CHN2: variants seen among roughly 807,000 people sequenced by gnomAD.
CHN2 encodes beta-chimaerin.
In CHN2, 35 loss-of-function variants were observed where a neutral mutation model predicts 56.3. The ratio of observed to expected loss-of-function variants is 0.62; its 90% CI spans 0.47 to 0.82. The LOEUF (loss-of-function observed/expected upper bound fraction) is 0.82. CHN2 is among the 40% of genes least tolerant of loss of function. CHN2 has a pLI of 0.00. For missense variants in CHN2, 491 were observed against 580.5 expected (o/e 0.85, Z 1.58); for synonymous variants, 210 against 212.8 (o/e 0.99, Z 0.12).
At chr7:29,189,995 A>C (rs1782685846), upstream of CHN2, among the ~76,000 whole-genome samples, 1 of 152,202 alleles carries the variant, frequency 6.6e-6, no homozygotes, top group South Asian at 2.1e-4. Context: ...GTTCAGAGGC[A>C]GGGCCGCTAC....
rs1042177639 is a variant in CHN2, at chr7:29,304,348, C to T, written c.50-50277C>T. On this transcript the variant is annotated intron_variant, in intron 1 of 12. Coordinates refer to ENST00000222792, the MANE Select transcript of CHN2 (RefSeq NM_004067.4). ...CGAGACGTAGCTGAGAGTTAAGAAA[C>T]CAAAAATGACTGAAGGAGCAAATAA... is the stretch of plus-strand genomic sequence containing the variant. Among the ~76,000 whole-genome samples, 2 of 152,074 alleles carry T rather than the reference C, an allele frequency of 1.3e-5. 1 individual carries two copies. Among genetic ancestry groups the T allele is most frequent in the South Asian group, 4.1e-4 (2 of 4,822 alleles).
intron 1 of CHN2, among the ~76,000 whole-genome samples, chr7:29,317,638 G>A (rs553089343): frequency 1.3e-4 from 20 of 152,160 alleles, no homozygotes; most frequent in Non-Finnish European, 2.2e-4. Context: ...CACCTCTTTC[G>A]TATGCCAGAC....
At chr7:29,228,501 T>C (rs946630390) in intron 1 of CHN2, among the ~76,000 whole-genome samples, 3 of 152,160 alleles carry the variant, frequency 2.0e-5, no homozygotes, top group Admixed American at 6.5e-5. Flanking sequence ...CACAATGAAT[T>C]TTTCAGAACA....
At chr7:29,283,826 C>T (rs888946394) in intron 1 of CHN2, among the ~76,000 whole-genome samples, 2 of 150,954 alleles carry the variant, frequency 1.3e-5, no homozygotes, top group Non-Finnish European at 2.9e-5. Context: ...CCTATGTTAG[C>T]CAAGCTGGTC....
intron 1 of CHN2, among the ~76,000 whole-genome samples, chr7:29,228,328 C>A (rs1007842333): frequency 6.6e-6 from 1 of 152,092 alleles, no homozygotes; most frequent in Admixed American, 6.6e-5. Context: ...ACCTTTCCCA[C>A]GTTTAGATAC....
intron 1 of CHN2, chr7:29,333,034 T>C (rs1796343833): frequency 1.3e-5 from 2 of 152,042 alleles, no homozygotes; most frequent in Admixed American, 6.6e-5. Context: ...ACATGGGCTG[T>C]AGTGGGCTGA....
At chr7:29,511,372 T>C (rs1242693454) in intron 12 of CHN2, among the ~76,000 whole-genome samples, 3 of 152,214 alleles carry the variant, frequency 2.0e-5, no homozygotes, top group East Asian at 3.9e-4. Context: ...AAAATACTTA[T>C]TGTGATCAAT....
chr7:29,433,731 C>T (rs932932806), intron 6 of CHN2, among the ~76,000 whole-genome samples: 2 of 151,530 alleles, frequency 1.3e-5, no homozygotes, highest in Non-Finnish European at 2.9e-5. Flanking sequence ...CCCTGCTAGT[C>T]GGGAGGCTGA....
At chr7:29,254,567 T>C (rs1159899143) in intron 1 of CHN2, among the ~76,000 whole-genome samples, 1 of 152,072 alleles carries the variant, frequency 6.6e-6, no homozygotes, top group Non-Finnish European at 1.5e-5. Flanking sequence ...AAGCAGAAAA[T>C]GACTTATGAC....
Position 29,292,878 on chromosome 7 carries a change from T to G in CHN2, c.50-61747T>G, listed in dbSNP as rs1349851436. ...GGGAAGAAAATATATCTGTCACGGA[T>G]TACAATAACCTCTTAACTGGCTGTT... On this transcript the variant is annotated intron_variant, in intron 1 of 12. Transcript: ENST00000222792. 3 of 456,260 alleles carry G rather than the reference T, an allele frequency of 6.6e-6. 1 individual carries two copies. The highest frequency in any genetic ancestry group is 4.6e-5 in the South Asian group (3 of 64,568). 28.3% of individuals were successfully genotyped at this position (456,260 alleles called of 1,614,324 possible).
chr7:29,375,822 C>T (rs115809487), intron 3 of CHN2, among the ~76,000 whole-genome samples: 2,321 of 152,282 alleles, frequency 0.015, 82 homozygotes, highest in African/African-American at 0.053. Context: ...CTACCTACAG[C>T]AGCCCCATAT....
chr7:29,445,235 C>T (rs1783948584), intron 6 of CHN2: 1 of 450,142 alleles, frequency 2.2e-6, no homozygotes, highest in African/African-American at 2.0e-5. Context: ...ATTGGGAACA[C>T]TGAGAACCCT....
In CHN2 at chr7:29,499,911, A is replaced by G. The variant is rs758968577; in HGVS notation, c.784A>G (p.Asn262Asp). 1.2e-6 allele frequency: 2 copies of G among 1,610,644 alleles called. No homozygotes were observed. The highest frequency in any genetic ancestry group is 1.1e-5 in the South Asian group (1 of 90,230). ...CAAACAGTGTTCCAAGCACGTTCCC[A>G]ATGACTGCCAACCTGATCTCAAGAG... The part of the protein sequence containing the change: ...VHKQCSKHVP[N>D]DCQPDLKRIK... Residue 262 changes from asparagine to aspartate, a missense_variant, in exon 9 of 13, where the codon AAT (asparagine) becomes GAT (aspartate). Physicochemically the swap from Asn to Asp is conservative, Grantham distance 23. Transcript: ENST00000222792.
chr7:29,166,568 A>C (rs556251219), intron 2 of CHN2, among the ~76,000 whole-genome samples: 1 of 152,222 alleles, frequency 6.6e-6, no homozygotes, highest in East Asian at 1.9e-4. Flanking sequence ...CAGGTAATCT[A>C]TGTCTTCTTG....
At chr7:29,156,552 G>C (rs769311393) in intron 2 of CHN2, among the ~76,000 whole-genome samples, 1 of 152,114 alleles carries the variant, frequency 6.6e-6, no homozygotes, top group Non-Finnish European at 1.5e-5. Flanking sequence ...TTTGCCCTGA[G>C]GCATCTGAAG....
chr7:29,419,484 G>T (rs2128104431), intron 6 of CHN2, among the ~76,000 whole-genome samples: 1 of 152,060 alleles, frequency 6.6e-6, no homozygotes, highest in Non-Finnish European at 1.5e-5. Context: ...AGACAAAAAG[G>T]ATAATATCAA....
intron 1 of CHN2, among the ~76,000 whole-genome samples, chr7:29,326,567 A>C (rs1159466307): frequency 6.6e-6 from 1 of 152,260 alleles, no homozygotes; most frequent in Non-Finnish European, 1.5e-5. Context: ...GAGCAGCTCC[A>C]TACTTACCTA....
intron 1 of CHN2, among the ~76,000 whole-genome samples, chr7:29,240,664 A>G (rs1009592729): frequency 6.6e-6 from 1 of 152,044 alleles, no homozygotes; most frequent in Non-Finnish European, 1.5e-5. Context: ...TCATAGCATC[A>G]TGAAAAGAAC....
chr7:29,431,300 C>G (rs1170486880), intron 6 of CHN2, among the ~76,000 whole-genome samples: 2 of 152,300 alleles, frequency 1.3e-5, no homozygotes, highest in East Asian at 3.9e-4. Context: ...AATTCCTAGT[C>G]CTGAATAATA....
Sources: gnomAD v4.1 joint callset for allele counts (sites outside exome capture counted in the v4.1 genomes callset) on GRCh38, gnomAD v4.1.1 for gene constraint, MANE v1.5 for transcripts, NCBI Gene and HGNC (gene_info 2026-07-23, HGNC 2026-07-21) for gene names.